The following SPAG16 variants were observed in gnomAD, a reference collection of about 807,000 sequenced individuals.
SPAG16 encodes sperm-associated antigen 16 protein.
In SPAG16, 86 loss-of-function variants were observed where a neutral mutation model predicts 80.4. The observed-to-expected ratio is 1.07, with a 90% confidence interval of 0.90 to 1.28. The LOEUF (loss-of-function observed/expected upper bound fraction) is 1.28, where lower values mean the gene tolerates loss of function less well. Among genes scored for constraint, SPAG16 ranks in the 50% most tolerant of loss-of-function variants. The pLI, the probability that SPAG16 is intolerant of heterozygous loss-of-function variation, is 0.00. For synonymous variants in SPAG16, 294 were observed against 265.9 expected, an observed-to-expected ratio of 1.11 and a Z score of -1.03; for missense variants, 870 against 765.3, an observed-to-expected ratio of 1.14 and a Z score of -1.61.
intron 10 of SPAG16, among the ~76,000 whole-genome samples, chr2:213,504,554 A>C (rs2074882423): frequency 6.6e-6 from 1 of 152,184 alleles, no homozygotes; most frequent in Non-Finnish European, 1.5e-5. Flanking sequence ...ATATATTAGA[A>C]GATAAAGAAG....
intron 15 of SPAG16, among the ~76,000 whole-genome samples, chr2:214,344,704 C>T (rs908952899): frequency 2.0e-5 from 3 of 152,122 alleles, no homozygotes; most frequent in African/African-American, 7.2e-5. Flanking sequence ...ATTCTCTGCT[C>T]CTGCAGCTGA....
intron 14 of SPAG16, among the ~76,000 whole-genome samples, chr2:214,115,064 C>T (rs1023946208): frequency 1.3e-5 from 2 of 152,174 alleles, no homozygotes; most frequent in African/African-American, 2.4e-5. Flanking sequence ...CTTTTCTTTG[C>T]TGCAAATATT....
intron 9 of SPAG16, among the ~76,000 whole-genome samples, chr2:213,394,282 T>C (rs1400605549): frequency 6.6e-6 from 1 of 152,092 alleles, no homozygotes; most frequent in Admixed American, 6.6e-5. Context: ...AATCAAGAAA[T>C]TAACATTGAT....
intron 10 of SPAG16, among the ~76,000 whole-genome samples, chr2:213,836,621 T>G (rs1469296540): frequency 6.6e-6 from 1 of 152,146 alleles, no homozygotes; most frequent in Non-Finnish European, 1.5e-5. Context: ...TTTTTTATTT[T>G]TTTATTTTTT....
At chr2:214,313,499 A>T (rs924713803) in intron 15 of SPAG16, among the ~76,000 whole-genome samples, 3 of 152,132 alleles carry the variant, frequency 2.0e-5, no homozygotes, top group African/African-American at 2.4e-5. Context: ...GGACATAAAC[A>T]TGCAAACATT....
chr2:214,340,954 TAAAG>T (rs1432496226), intron 15 of SPAG16, among the ~76,000 whole-genome samples: 1 of 152,168 alleles, frequency 6.6e-6, no homozygotes, highest in East Asian at 1.9e-4. Flanking sequence ...CTAATTAACA[TAAAG>T]AAAATATCAA....
At chr2:214,372,498 A>G (rs556977221) in intron 15 of SPAG16, among the ~76,000 whole-genome samples, 2 of 152,208 alleles carry the variant, frequency 1.3e-5, no homozygotes, top group Non-Finnish European at 2.9e-5. Flanking sequence ...GTTTAACATT[A>G]TTTGAAATAT....
At chr2:213,604,768 ATTCTTTAACT>A in intron 10 of SPAG16, among the ~76,000 whole-genome samples, 1 of 151,826 alleles carries the variant, frequency 6.6e-6, no homozygotes, top group African/African-American at 2.4e-5. Context: ...TCTGGTTATA[ATTCTTTAACT>A]CTTCTTCATT....
chr2:213,782,374 A>C (rs2070047614), intron 10 of SPAG16, among the ~76,000 whole-genome samples: 1 of 152,190 alleles, frequency 6.6e-6, no homozygotes, highest in South Asian at 2.1e-4. Flanking sequence ...TTATATAGTG[A>C]GGTATGGTAC....
At chr2:214,024,605 T>A (rs2048041147) in intron 13 of SPAG16, among the ~76,000 whole-genome samples, 1 of 151,588 alleles carries the variant, frequency 6.6e-6, no homozygotes, top group South Asian at 2.1e-4. Context: ...AAGATATTTG[T>A]TTATTCCTTC....
intron 11 of SPAG16, among the ~76,000 whole-genome samples, chr2:213,891,922 G>A (rs924921446): frequency 6.6e-6 from 1 of 152,112 alleles, no homozygotes; most frequent in Non-Finnish European, 1.5e-5. Flanking sequence ...TGGGTAGCCT[G>A]GCAGGAGACA....
intron 9 of SPAG16, among the ~76,000 whole-genome samples, chr2:213,448,437 C>T (rs1000055847): frequency 2.0e-5 from 3 of 152,198 alleles, no homozygotes; most frequent in Non-Finnish European, 4.4e-5. Context: ...CTAAACCCCA[C>T]GATTTGGATT....
chr2:213,453,514 T>A (rs2071823233), intron 9 of SPAG16, among the ~76,000 whole-genome samples: 1 of 152,248 alleles, frequency 6.6e-6, no homozygotes, highest in South Asian at 2.1e-4. Flanking sequence ...TATATTTTCA[T>A]AATTTATAAC....
At chr2:213,916,180 T>C (rs2077956252) in intron 11 of SPAG16, among the ~76,000 whole-genome samples, 2 of 152,200 alleles carry the variant, frequency 1.3e-5, no homozygotes, top group South Asian at 4.1e-4. Context: ...AGTCATGAAG[T>C]CTTTGCCCAT....
chr2:214,225,089 A>G (rs1421536257), intron 15 of SPAG16, among the ~76,000 whole-genome samples: 2 of 152,194 alleles, frequency 1.3e-5, no homozygotes, highest in African/African-American at 4.8e-5. Context: ...AGCAGCAAGA[A>G]CAAACCTCAA....
At chr2:214,224,992 A>G (rs530258838) in intron 15 of SPAG16, among the ~76,000 whole-genome samples, 74 of 152,290 alleles carry the variant, frequency 4.9e-4, no homozygotes, top group Non-Finnish European at 3.7e-4. Flanking sequence ...TGGATTGCTA[A>G]CAGAGGGAGG....
intron 15 of SPAG16, among the ~76,000 whole-genome samples, chr2:214,187,579 T>C (rs186208474): frequency 2.0e-5 from 3 of 152,244 alleles, no homozygotes; most frequent in Non-Finnish European, 4.4e-5. Flanking sequence ...TCATCTCCCC[T>C]AGCTTGAACG....
At chr2:213,785,946 G>T (rs1333671156) in intron 10 of SPAG16, among the ~76,000 whole-genome samples, 2 of 151,632 alleles carry the variant, frequency 1.3e-5, no homozygotes, top group Non-Finnish European at 2.9e-5. Context: ...GGCGGAGTTT[G>T]CAGTGAGCCG....
At chr2:214,366,243 T>C (rs1375575542) in intron 15 of SPAG16, among the ~76,000 whole-genome samples, 1 of 152,174 alleles carries the variant, frequency 6.6e-6, no homozygotes, top group African/African-American at 2.4e-5. Context: ...CCCAAAGTGC[T>C]GAGATTGCAG....
Sources: allele counts gnomAD v4.1 joint callset (sites outside exome capture counted in the v4.1 genomes callset), GRCh38; gene constraint gnomAD v4.1.1; transcripts MANE v1.5; gene names NCBI Gene and HGNC (gene_info 2026-07-23, HGNC 2026-07-21).